Variants in UGT1A4 observed in about 807,000 individuals in gnomAD.
The protein encoded by UGT1A4 is UDP-glucuronosyltransferase 1A4.
Under a neutral mutation model 41.1 loss-of-function variants are expected in UGT1A4, and 32 were observed. That is an observed-to-expected ratio of 0.78 (90% confidence interval 0.59 to 1.05). The LOEUF (loss-of-function observed/expected upper bound fraction) is 1.05. UGT1A4 is among the 50% of genes least tolerant of loss of function. The probability of loss-of-function intolerance (pLI) is 0.00; values close to 1 mark genes in which losing one functional copy is unlikely to be tolerated. For synonymous variants in UGT1A4, 283 were observed against 265.1 expected (o/e 1.07, Z -0.66); for missense variants, 748 against 677.4 (o/e 1.10, Z -1.16).
At chr2:233,755,084 G>C in intron 1 of UGT1A4, 2 of 1,335,302 alleles carry the variant, frequency 1.5e-6, no homozygotes, top group Non-Finnish European at 2.0e-6. Flanking sequence ...CATAGATATC[G>C]CGTTTCTACG....
chr2:233,734,820 G>A (rs1460443143), intron 1 of UGT1A4, among the ~76,000 whole-genome samples: 12 of 152,202 alleles, frequency 7.9e-5, no homozygotes, highest in Non-Finnish European at 1.3e-4. Context: ...GTAGTTGTGC[G>A]ATTTTGAGTG....
In UGT1A4 at chr2:233,769,692, A is replaced by G; in HGVS notation, c.1307+1253A>G. On this transcript the variant is annotated intron_variant, in intron 4 of 4. Transcript: ENST00000373409. The surrounding 1 kb of genome is among the most constrained non-coding windows in gnomAD (Gnocchi z 4.4). ...GCTAATGTGTGTGTGGTGGCACTGG[A>G]TAAAAGATCAATGTTGGCTAGGCAC... 1.9e-6 allele frequency: 3 copies of G among 1,542,672 alleles called. No individual in the cohort carries two copies. Among genetic ancestry groups the G allele is most frequent in the Non-Finnish European group, 2.6e-6 (3 of 1,143,658 alleles).
rs909741702 is a variant in UGT1A4, at chr2:233,769,798, T to C, written c.1307+1359T>C. On this transcript the variant is annotated intron_variant, in intron 4 of 4. Coordinates refer to ENST00000373409, the MANE Select transcript of UGT1A4 (RefSeq NM_007120.3). This position sits in a 1 kb window ranked among gnomAD's most constrained non-coding sequence, Gnocchi z 4.4. ...TGAGCCCAGAAGTTGGAGGCTGCTA[T>C]GAGCCGTGATCATGCCACTGCACTC... The C allele has an allele frequency of 8.3e-7, 1 of 1,206,032 alleles. No homozygotes were observed. The highest frequency in any genetic ancestry group is 1.6e-5 in the African/African-American group (1 of 64,426). 74.7% of individuals were successfully genotyped at this position (1,206,032 alleles called of 1,614,324 possible). A position where few individuals can be genotyped will look rare whatever the true frequency, so the allele number is the denominator to read the frequency against.
chr2:233,719,749 T>G, intron 1 of UGT1A4, 62 bp downstream of exon 1: 1 of 1,612,804 alleles, frequency 6.2e-7, no homozygotes, highest in South Asian at 1.1e-5. Flanking sequence ...AAAAATGTAT[T>G]TACTTACAAG....
chr2:233,724,284 G>A (rs1369103408), intron 1 of UGT1A4, among the ~76,000 whole-genome samples: 103 of 126,932 alleles, frequency 8.1e-4, no homozygotes, highest in Middle Eastern at 4.7e-3. Context: ...GGCCGGGCGG[G>A]GGGCTGACCC....
chr2:233,750,659 G>C (rs1224813107), intron 1 of UGT1A4: 1 of 143,478 alleles, frequency 7.0e-6, no homozygotes, highest in Non-Finnish European at 1.5e-5. Context: ...AGGACTTGGT[G>C]CCCTGTGTCC....
At chr2:233,755,453 T>A (rs1392430727) in intron 1 of UGT1A4, 2 of 305,122 alleles carry the variant, frequency 6.6e-6, no homozygotes, top group Non-Finnish European at 1.3e-5. Context: ...CTCCTGGGAC[T>A]GGCCCTGCTC....
intron 1 of UGT1A4, among the ~76,000 whole-genome samples, chr2:233,731,764 G>C (rs533999102): frequency 6.6e-6 from 1 of 152,196 alleles, no homozygotes; most frequent in East Asian, 1.9e-4. Context: ...TGTGTCCTTA[G>C]AGTAGTATCA....
intron 1 of UGT1A4, among the ~76,000 whole-genome samples, chr2:233,764,385 C>A (rs1299567681): frequency 6.6e-6 from 1 of 152,140 alleles, no homozygotes; most frequent in African/African-American, 2.4e-5. Context: ...AGGAGTTGGC[C>A]GTGATGACAA....
intron 1 of UGT1A4, among the ~76,000 whole-genome samples, chr2:233,724,340 A>G (rs1575552395): frequency 1.9e-5 from 2 of 104,210 alleles, no homozygotes; most frequent in Admixed American, 9.6e-5. Context: ...CGGGGGGCTG[A>G]CCCCCCCCAC....
In UGT1A4 at chr2:233,768,019, T is replaced by C. The variant is rs1002687520; in HGVS notation, c.1087+83T>C. The C allele has an allele frequency of 6.2e-6, 10 of 1,613,626 alleles. No individual in the cohort carries two copies. In the African/African-American group the frequency reaches 1.2e-4, roughly 19 times the overall value. On this transcript the variant is annotated intron_variant, in intron 3 of 4. Coordinates refer to ENST00000373409, the MANE Select transcript of UGT1A4 (RefSeq NM_007120.3). ...TAAGCACAGCTATTCTAAAGGATTG[T>C]TGAGCTTGAAAATATTATGGCCAAC...
In UGT1A4 at chr2:233,769,728, GCCTGT is replaced by G. The variant is rs1290172672; in HGVS notation, c.1307+1290_1307+1294del. The G allele has an allele frequency of 6.8e-7, 1 of 1,472,430 alleles. No individual in the cohort carries two copies. Among genetic ancestry groups the G allele is most frequent in the African/African-American group, 1.4e-5 (1 of 71,662 alleles). 91.2% of individuals were successfully genotyped at this position (1,472,430 alleles called of 1,614,324 possible). A position where few individuals can be genotyped will look rare whatever the true frequency, so the allele number is the denominator to read the frequency against. On this transcript the variant is annotated intron_variant, in intron 4 of 4. Coordinates refer to ENST00000373409, the MANE Select transcript of UGT1A4 (RefSeq NM_007120.3). This position sits in a 1 kb window ranked among gnomAD's most constrained non-coding sequence, Gnocchi z 4.4. ...ATGTTGGCTAGGCACCATGGCACAC[GCCTGT>G]AGTCCCAGCCACTCTGGAGGCTAAG...
At chr2:233,768,588 T>C in intron 4 of UGT1A4, 149 bp downstream of exon 4, 52 of 996,612 alleles carry the variant, frequency 5.2e-5, no homozygotes, top group East Asian at 5.1e-4. Flanking sequence ...TCTTCTTTTT[T>C]TTTTTTTTTT....
Position 233,718,760 on chromosome 2 carries a change from G to A in UGT1A4, c.-61G>A, listed in dbSNP as rs1384235813. ...CAATGACAAGGTAATTAAGGCGAAGGAAACAAATGTAGCAGGCACAGCGTG... is the reference window on the plus strand; with the variant it reads ...CAATGACAAGGTAATTAAGGCGAAGAAAACAAATGTAGCAGGCACAGCGTG... On this transcript the variant is annotated 5_prime_UTR_variant, in exon 1 of 5. Coordinates refer to ENST00000373409, the MANE Select transcript of UGT1A4 (RefSeq NM_007120.3). 6 of 1,612,482 alleles carry A rather than the reference G, an allele frequency of 3.7e-6. No homozygotes were observed. The highest frequency in any genetic ancestry group is 1.3e-5 in the African/African-American group (1 of 74,888).
chr2:233,737,590 T>C (rs2078898142), intron 1 of UGT1A4, among the ~76,000 whole-genome samples: 1 of 152,212 alleles, frequency 6.6e-6, no homozygotes, highest in Non-Finnish European at 1.5e-5. Context: ...CCCAATGAGA[T>C]GAACCAGGTA....
intron 1 of UGT1A4, chr2:233,760,930 A>T: frequency 6.2e-7 from 1 of 1,614,176 alleles, no homozygotes; most frequent in East Asian, 2.2e-5. Context: ...GAACATGCTC[A>T]TTGCCTTTTC....
At chr2:233,729,805 T>C (rs61740163) in intron 1 of UGT1A4, 2 of 1,611,876 alleles carry the variant, frequency 1.2e-6, no homozygotes, top group Non-Finnish European at 1.7e-6. Flanking sequence ...TTGCCATGCT[T>C]TTTCTGCTCC....
At chr2:233,765,331 C>T (rs770638487) in intron 1 of UGT1A4, among the ~76,000 whole-genome samples, 13 of 152,154 alleles carry the variant, frequency 8.5e-5, no homozygotes, top group Admixed American at 2.6e-4. Context: ...GCACTATTCA[C>T]AATAACAAAG....
intron 1 of UGT1A4, among the ~76,000 whole-genome samples, chr2:233,726,045 G>A (rs1002009410): frequency 1.3e-5 from 2 of 151,996 alleles, no homozygotes; most frequent in Non-Finnish European, 2.9e-5. Context: ...GCACACCTGT[G>A]GTCCCAGCTA....
Sources: allele counts gnomAD v4.1 joint callset (sites outside exome capture counted in the v4.1 genomes callset), GRCh38; gene constraint gnomAD v4.1.1; non-coding constraint Gnocchi (gnomAD v3.1); transcripts MANE v1.5; gene names NCBI Gene and HGNC (gene_info 2026-07-23, HGNC 2026-07-21).